The following LYPLAL1 variants were observed in gnomAD, a reference collection of about 807,000 sequenced individuals.
LYPLAL1 encodes lysophospholipase-like protein 1.
Under a neutral mutation model 19.7 loss-of-function variants are expected in LYPLAL1, and 23 were observed. That is an observed-to-expected ratio of 1.17 (90% confidence interval 0.84 to 1.65). The LOEUF is 1.65. Ranked by LOEUF, LYPLAL1 falls within the 40% of genes most tolerant of loss-of-function variation. LYPLAL1 has a pLI of 0.00. For synonymous variants in LYPLAL1, 119 were observed against 96.3 expected (o/e 1.24, Z -1.38); for missense variants, 355 against 279.4 (o/e 1.27, Z -1.93).
At position 219,173,955 on chromosome 1, in the gene LYPLAL1, C is replaced by T. The variant is rs1268998118; in HGVS notation, c.65C>T (p.Ala22Val). The T allele has an allele frequency of 1.2e-6, 2 of 1,614,058 alleles. No individual in the cohort carries two copies. The highest frequency in any genetic ancestry group is 1.7e-6 in the Non-Finnish European group (2 of 1,179,972). Reference protein sequence around the residue: ...CIVSPAGRHSASLIFLHGSGD... With the variant: ...CIVSPAGRHSVSLIFLHGSGD... The stretch of plus-strand genomic sequence containing the variant: ...GTGTCGCCGGCAGGGAGGCATAGCG[C>T]CTCTCTGATCTTCCTGCATGGCTCA... Residue 22 changes from alanine to valine, a missense_variant, in exon 1 of 5, where the codon GCC becomes GTC. Ala to Val is a moderately conservative substitution (Grantham distance 64). Transcript: ENST00000366928.
chr1:219,330,258 A>G, the LYPLAL1 span, among the ~76,000 whole-genome samples: 1 of 152,226 alleles, frequency 6.6e-6, no homozygotes. Context: ...CATTGACATT[A>G]CTTTCAGGAA....
At chr1:219,202,408 T>A (rs1658185952) in intron 3 of LYPLAL1, among the ~76,000 whole-genome samples, 4 of 152,226 alleles carry the variant, frequency 2.6e-5, no homozygotes, top group African/African-American at 9.6e-5. Flanking sequence ...AGCTGCTTAC[T>A]TTTTCCTCAG....
At chr1:219,435,458 A>G in the LYPLAL1 span, 2 of 152,220 alleles carry the variant, frequency 1.3e-5, no homozygotes, top group Non-Finnish European at 2.9e-5. Context: ...GAAAGTTGTT[A>G]TTAGCCTGCA....
the LYPLAL1 span, among the ~76,000 whole-genome samples, chr1:219,262,658 A>G: frequency 6.6e-6 from 1 of 152,162 alleles, no homozygotes; most frequent in African/African-American, 2.4e-5. Context: ...GTACTAGGAA[A>G]TGTCTGCAAA....
the LYPLAL1 span, among the ~76,000 whole-genome samples, chr1:219,370,142 A>C: frequency 6.6e-6 from 1 of 152,196 alleles, no homozygotes; most frequent in African/African-American, 2.4e-5. Context: ...CACATTGTAC[A>C]CAGCAACTCT....
the LYPLAL1 span, among the ~76,000 whole-genome samples, chr1:219,250,218 T>A: frequency 6.6e-6 from 1 of 151,956 alleles, no homozygotes. Flanking sequence ...GAATCAAGAT[T>A]CACTTTTTTC....
chr1:219,212,662 T>C lies in LYPLAL1; in HGVS notation c.*934T>C, dbSNP rs1464544085. ...ATCCCTATTTGTATAAATAGAATCA[T>C]ACAATACCTGCCTGCTTTCATTCAA... is the stretch of plus-strand genomic sequence containing the variant. On this transcript the variant is annotated 3_prime_UTR_variant, in exon 5 of 5. Coordinates refer to ENST00000366928, the MANE Select transcript of LYPLAL1 (RefSeq NM_138794.5). The C allele has an allele frequency of 6.6e-6, 1 of 152,074 alleles. No homozygotes were observed. The highest frequency in any genetic ancestry group is 1.5e-5 in the Non-Finnish European group (1 of 67,950). 9.4% of individuals were successfully genotyped at this position (152,074 alleles called of 1,614,324 possible).
the LYPLAL1 span, among the ~76,000 whole-genome samples, chr1:219,438,796 A>T: frequency 3.9e-5 from 6 of 152,346 alleles, no homozygotes; most frequent in South Asian, 1.2e-3. Context: ...TCAGAGGAGA[A>T]AAAACTAAAA....
chr1:219,232,933 T>C, the LYPLAL1 span, among the ~76,000 whole-genome samples: 1 of 150,802 alleles, frequency 6.6e-6, no homozygotes, highest in African/African-American at 2.4e-5. Flanking sequence ...TTGTGAACTG[T>C]TGTGATGATG....
At chr1:219,214,939 C>T (rs1309688533), downstream of LYPLAL1, among the ~76,000 whole-genome samples, 3 of 152,064 alleles carry the variant, frequency 2.0e-5, no homozygotes, top group African/African-American at 7.2e-5. Context: ...ATCTACCCAC[C>T]TTGGCCTCCC....
the LYPLAL1 span, among the ~76,000 whole-genome samples, chr1:219,361,749 A>C: frequency 2.0e-5 from 3 of 152,262 alleles, no homozygotes; most frequent in African/African-American, 7.2e-5. Context: ...TATTAAGAGA[A>C]AATTATTATT....
the LYPLAL1 span, among the ~76,000 whole-genome samples, chr1:219,319,306 GAGA>G: frequency 6.6e-6 from 1 of 152,164 alleles, no homozygotes; most frequent in Admixed American, 6.5e-5. Flanking sequence ...CTGACCCGTG[GAGA>G]AGGAGTGCCA....
chr1:219,416,942 GA>G, the LYPLAL1 span, among the ~76,000 whole-genome samples: 5 of 152,312 alleles, frequency 3.3e-5, no homozygotes, highest in South Asian at 4.1e-4. Context: ...TGGATTTTAA[GA>G]AGAAGGCTAC....
At chr1:219,190,997 C>T (rs1335825153) in intron 2 of LYPLAL1, among the ~76,000 whole-genome samples, 12 of 151,486 alleles carry the variant, frequency 7.9e-5, no homozygotes, top group Admixed American at 7.3e-4. Flanking sequence ...GAACTATACA[C>T]CTAAAATGTG....
At chr1:219,347,795 A>T in the LYPLAL1 span, among the ~76,000 whole-genome samples, 1 of 152,138 alleles carries the variant, frequency 6.6e-6, no homozygotes, top group Non-Finnish European at 1.5e-5. Flanking sequence ...GAGACAGGTC[A>T]ATTGGGTGCA....
the LYPLAL1 span, among the ~76,000 whole-genome samples, chr1:219,333,595 C>G: frequency 6.6e-6 from 1 of 151,976 alleles, no homozygotes; most frequent in African/African-American, 2.4e-5. Context: ...GAAAGATTTT[C>G]TCTTAGACAT....
At chr1:219,380,913 G>C in the LYPLAL1 span, among the ~76,000 whole-genome samples, 2 of 152,184 alleles carry the variant, frequency 1.3e-5, no homozygotes, top group Admixed American at 6.5e-5. Flanking sequence ...ACAGGCACCA[G>C]GCTGAATTTG....
At chr1:219,229,418 C>T in the LYPLAL1 span, among the ~76,000 whole-genome samples, 3 of 149,700 alleles carry the variant, frequency 2.0e-5, no homozygotes, top group African/African-American at 7.3e-5. Context: ...GCCTGATTCC[C>T]GGCGAAAAGC....
the LYPLAL1 span, among the ~76,000 whole-genome samples, chr1:219,420,853 C>T: frequency 1.3e-5 from 2 of 152,102 alleles, no homozygotes; most frequent in Non-Finnish European, 2.9e-5. Flanking sequence ...TCAGGGATTA[C>T]TTTTAAAGGT....
Sources: gnomAD v4.1 joint callset for allele counts (sites outside exome capture counted in the v4.1 genomes callset) on GRCh38, gnomAD v4.1.1 for gene constraint, MANE v1.5 for transcripts, NCBI Gene and HGNC (gene_info 2026-07-23, HGNC 2026-07-21) for gene names.